ANGPTL2: variants seen among roughly 807,000 people sequenced by gnomAD.
ANGPTL2 encodes angiopoietin like 2.
ANGPTL2 carries 25 observed loss-of-function variants against 52.8 expected under a neutral mutation model. The ratio of observed to expected loss-of-function variants is 0.47; its 90% CI spans 0.35 to 0.66. The LOEUF (loss-of-function observed/expected upper bound fraction) is 0.66. Ranked by LOEUF, ANGPTL2 falls within the 30% of genes least tolerant of loss-of-function variation. The pLI, the probability that ANGPTL2 is intolerant of heterozygous loss-of-function variation, is 0.01. For missense variants in ANGPTL2, 546 were observed against 656.9 expected, an observed-to-expected ratio of 0.83 and a Z score of 1.84; for synonymous variants, 276 against 277.4, an observed-to-expected ratio of 1.00 and a Z score of 0.05.
rs1413481343 is a variant in ANGPTL2, at chr9:127,091,422, C to A, written c.1282+248G>T. On this transcript the variant is annotated intron_variant, in intron 4 of 4. Coordinates refer to ENST00000373425, the MANE Select transcript of ANGPTL2 (RefSeq NM_012098.3). This position sits in a 1 kb window ranked among gnomAD's most constrained non-coding sequence, Gnocchi z 4.3. ...GCCCTGGTACGTGTGATTTGTATACCTCTTTATGTCTCGCCCCATCCCATT... is the reference window on the plus strand; with the variant it reads ...GCCCTGGTACGTGTGATTTGTATACATCTTTATGTCTCGCCCCATCCCATT... 6.6e-6 allele frequency among the ~76,000 whole-genome samples: 1 copy of A among 152,198 alleles called. No individual in the cohort carries two copies. Among genetic ancestry groups the A allele is most frequent in the Non-Finnish European group, 1.5e-5 (1 of 68,030 alleles).
intron 1 of ANGPTL2, among the ~76,000 whole-genome samples, chr9:127,111,518 T>C (rs2054810669): frequency 6.6e-6 from 1 of 152,122 alleles, no homozygotes; most frequent in Admixed American, 6.5e-5. Context: ...CTGGGAGTGC[T>C]GGAAAGAGGG....
At chr9:127,098,065 C>A (rs919093129) in intron 2 of ANGPTL2, among the ~76,000 whole-genome samples, 2 of 152,178 alleles carry the variant, frequency 1.3e-5, no homozygotes, top group East Asian at 1.9e-4. Flanking sequence ...TGTTCACCCC[C>A]CCAACTAATT....
At chr9:127,092,066 G>C in intron 3 of ANGPTL2, 126 bp from the exon 4 acceptor site, 7 of 1,138,646 alleles carry the variant, frequency 6.1e-6, no homozygotes, top group Non-Finnish European at 8.8e-6. Context: ...AGCAGACCTG[G>C]TTCAGACCCC....
At position 127,108,485 on chromosome 9, in the gene ANGPTL2, G is replaced by C. The variant is rs956446911; in HGVS notation, c.247C>G (p.Arg83Gly). The C allele has an allele frequency of 1.2e-6, 2 of 1,612,530 alleles. No individual in the cohort carries two copies. Among genetic ancestry groups the C allele is most frequent in the South Asian group, 1.1e-5 (1 of 90,894 alleles). ...SKEPEVLLEN[R>G]VHKQELELLN... ...AGCTCTAGCTCCTGCTTATGCACTC[G>C]GTTCTCCAGAAGCACCTCAGGCTCC... Residue 83 changes from arginine to glycine, a missense_variant, in exon 2 of 5, where the codon CGA becomes GGA. Coordinates refer to ENST00000373425, the MANE Select transcript of ANGPTL2 (RefSeq NM_012098.3).
At chr9:127,102,045 T>G (rs2053783284) in intron 2 of ANGPTL2, among the ~76,000 whole-genome samples, 1 of 152,104 alleles carries the variant, frequency 6.6e-6, no homozygotes, top group South Asian at 2.1e-4. Context: ...AGAGCCGAAG[T>G]TGAGGCAGTG....
At chr9:127,093,948 TA>T (rs1388446715) in intron 2 of ANGPTL2, 22 bp from the exon 3 acceptor site, 1 of 1,610,410 alleles carries the variant, frequency 6.2e-7, no homozygotes, top group Admixed American at 1.7e-5. Flanking sequence ...GACATGCATA[TA>T]CATCACAGAC....
At chr9:127,092,807 A>C (rs540933722) in intron 3 of ANGPTL2, among the ~76,000 whole-genome samples, 26 of 152,060 alleles carry the variant, frequency 1.7e-4, no homozygotes, top group African/African-American at 6.0e-4. Flanking sequence ...AGAGGAGAAA[A>C]AAGCAGAGAC....
intron 2 of ANGPTL2, among the ~76,000 whole-genome samples, chr9:127,103,045 G>T (rs1050327362): frequency 6.6e-6 from 1 of 152,186 alleles, no homozygotes; most frequent in African/African-American, 2.4e-5. Context: ...TCTCTGCAGT[G>T]CTTGGGCCTG....
chr9:127,089,284 A>G, intron 4 of ANGPTL2, 146 bp from the exon 5 acceptor site: 1 of 798,730 alleles, frequency 1.3e-6, no homozygotes, highest in Non-Finnish European at 2.0e-6. Context: ...ATGGGTGGTG[A>G]GAGGCCATGC....
intron 1 of ANGPTL2, among the ~76,000 whole-genome samples, chr9:127,117,287 A>T (rs2055537081): frequency 6.6e-6 from 1 of 152,174 alleles, no homozygotes; most frequent in Admixed American, 6.5e-5. Context: ...TCATCTGGTT[A>T]TCTCCCTCCT....
At chr9:127,103,902 T>G (rs1223168963) in intron 2 of ANGPTL2, among the ~76,000 whole-genome samples, 1 of 152,140 alleles carries the variant, frequency 6.6e-6, no homozygotes, top group Admixed American at 6.5e-5. Context: ...GTGTGCAATA[T>G]CCAGAGTAGT....
chr9:127,120,554 T>A (rs996305610), intron 1 of ANGPTL2, among the ~76,000 whole-genome samples: 1 of 152,246 alleles, frequency 6.6e-6, no homozygotes, highest in African/African-American at 2.4e-5. Flanking sequence ...CCGGGTGCAG[T>A]GGCTCACGCC....
chr9:127,120,827 CAAA>C (rs968011060), intron 1 of ANGPTL2, among the ~76,000 whole-genome samples: 1 of 121,914 alleles, frequency 8.2e-6, no homozygotes, highest in Admixed American at 8.5e-5. Flanking sequence ...GACTCCATCT[CAAA>C]AAAAAAAAAA....
At chr9:127,102,663 G>A (rs1262579431) in intron 2 of ANGPTL2, among the ~76,000 whole-genome samples, 1 of 152,168 alleles carries the variant, frequency 6.6e-6, no homozygotes, top group East Asian at 1.9e-4. Flanking sequence ...AAGGCTCTTT[G>A]TGATCAGTTC....
chr9:127,116,402 G>A (rs970642389), intron 1 of ANGPTL2, among the ~76,000 whole-genome samples: 2 of 152,156 alleles, frequency 1.3e-5, no homozygotes, highest in African/African-American at 4.8e-5. Flanking sequence ...TTCACAGTGC[G>A]TTATTTGGGA....
At chr9:127,118,374 C>T (rs2055671159) in intron 1 of ANGPTL2, among the ~76,000 whole-genome samples, 1 of 152,204 alleles carries the variant, frequency 6.6e-6, no homozygotes, top group African/African-American at 2.4e-5. Context: ...ACCACAAACT[C>T]CAAGCTGCCT....
At chr9:127,101,661 C>T (rs2136852032) in intron 2 of ANGPTL2, among the ~76,000 whole-genome samples, 1 of 152,324 alleles carries the variant, frequency 6.6e-6, no homozygotes, top group African/African-American at 2.4e-5. Context: ...CAAAGGAAAC[C>T]TGCTTTGTGG....
At chr9:127,120,849 G>A (rs982996253) in intron 1 of ANGPTL2, among the ~76,000 whole-genome samples, 19 of 151,702 alleles carry the variant, frequency 1.3e-4, no homozygotes, top group Non-Finnish European at 2.2e-4. Context: ...AAAAGAATTC[G>A]TGTCTCTGCT....
At chr9:127,110,690 A>C (rs2137202296) in intron 1 of ANGPTL2, among the ~76,000 whole-genome samples, 1 of 152,192 alleles carries the variant, frequency 6.6e-6, no homozygotes, top group Non-Finnish European at 1.5e-5. Context: ...TGTGTTCATA[A>C]ATGTCCACTC....
Sources: allele counts gnomAD v4.1 joint callset (sites outside exome capture counted in the v4.1 genomes callset), GRCh38; gene constraint gnomAD v4.1.1; non-coding constraint Gnocchi (gnomAD v3.1); transcripts MANE v1.5; gene names NCBI Gene and HGNC (gene_info 2026-07-23, HGNC 2026-07-21).